The following GINM1 variants were observed in gnomAD, a reference collection of about 807,000 sequenced individuals.
GINM1 encodes the protein glycoprotein integral membrane protein 1.
GINM1 carries 29 observed loss-of-function variants against 37.8 expected under a neutral mutation model. That is an observed-to-expected ratio of 0.77 (90% confidence interval 0.57 to 1.05). GINM1 has a LOEUF of 1.05. GINM1 is among the 50% of genes least tolerant of loss of function. The pLI, the probability that GINM1 is intolerant of heterozygous loss-of-function variation, is 0.00. For synonymous variants in GINM1, 143 were observed against 146.2 expected (o/e 0.98, Z 0.16); for missense variants, 377 against 397.9 (o/e 0.95, Z 0.45).
chr6:149,570,577 A>C (rs1403433502), intron 1 of GINM1, among the ~76,000 whole-genome samples: 3 of 152,074 alleles, frequency 2.0e-5, no homozygotes, highest in African/African-American at 7.2e-5. Flanking sequence ...TGTGGTATGA[A>C]TCCTCTTTCA....
chr6:149,574,197 C>T (rs1777876633), intron 3 of GINM1, among the ~76,000 whole-genome samples: 2 of 151,870 alleles, frequency 1.3e-5, no homozygotes, highest in Middle Eastern at 3.4e-3. Context: ...ATTACAGGTG[C>T]CCGCCACCAT....
At position 149,578,764 on chromosome 6, in the gene GINM1, C is replaced by A. The variant is rs1300979648; in HGVS notation, c.278-58C>A. On this transcript the variant is annotated intron_variant, in intron 3 of 7. Coordinates refer to ENST00000367419, the MANE Select transcript of GINM1 (RefSeq NM_138785.5). ...TAAATGTCATCAAAATAATCACACT[C>A]ACTCACAGATTTGGTGGTAATCTTT... The A allele has an allele frequency of 3.5e-6, 4 of 1,153,352 alleles. No homozygotes were observed. In the East Asian group the frequency reaches 7.2e-5, roughly 21 times the overall value. 71.4% of individuals were successfully genotyped at this position (1,153,352 alleles called of 1,614,324 possible).
chr6:149,589,520 A>G (rs1308479986), intron 7 of GINM1, among the ~76,000 whole-genome samples: 3 of 148,992 alleles, frequency 2.0e-5, no homozygotes, highest in Admixed American at 6.7e-5. Context: ...TGATCCACCC[A>G]CCTCAGCCTC....
intron 3 of GINM1, 73 bp downstream of exon 3, chr6:149,572,676 T>A: frequency 1.0e-6 from 1 of 974,374 alleles, no homozygotes; most frequent in Non-Finnish European, 1.6e-6. Context: ...TTGTTGTTTG[T>A]TTTTTGAGAC....
At chr6:149,587,211 A>T (rs1460384129) in intron 7 of GINM1, among the ~76,000 whole-genome samples, 1 of 152,110 alleles carries the variant, frequency 6.6e-6, no homozygotes, top group Non-Finnish European at 1.5e-5. Flanking sequence ...CTACTCTGAC[A>T]CTCTGGAGTA....
chr6:149,570,141 T>C (rs1777790566), intron 1 of GINM1, among the ~76,000 whole-genome samples: 1 of 6,986 alleles, frequency 1.4e-4, no homozygotes, highest in Non-Finnish European at 1.6e-3. Context: ...AGGTTTTATA[T>C]ATATATATAT....
Position 149,580,708 on chromosome 6 carries a change from G to T in GINM1, c.702G>T (p.Pro234=), listed in dbSNP as rs181189144. The T allele has an allele frequency of 4.0e-4, 650 of 1,613,106 alleles. 6 individuals are homozygous for T. The Admixed American group carries it at 0.011, about 27-fold the overall frequency. The change falls in exon 6 of 8, where the codon CCG becomes CCT. Residue 234 remains proline (P), a synonymous_variant. Coordinates refer to ENST00000367419, the MANE Select transcript of GINM1 (RefSeq NM_138785.5). ...KLPETPLRAE[P]PSSYKVMCQW... is the part of the protein sequence containing the mutation. Reference sequence around the variant, plus strand: ...CTGAAACTCCTCTCAGAGCAGAGCCGCCATCTTCATATAAGGTAAATCAAG... The same window carrying T: ...CTGAAACTCCTCTCAGAGCAGAGCCTCCATCTTCATATAAGGTAAATCAAG...
chr6:149,582,640 AATG>A, intron 7 of GINM1, 37 bp downstream of exon 7: 1 of 1,383,806 alleles, frequency 7.2e-7, no homozygotes, highest in African/African-American at 1.5e-5. Flanking sequence ...TAGTATTTTT[AATG>A]ATTAAAAAGT....
In GINM1 at chr6:149,574,239, T is replaced by C. The variant is rs577280785; in HGVS notation, c.277+1636T>C. ...CTAATTTTTGTATTTTTAGTAGAGA[T>C]GGGGTTTCACCATATTGGTCAAGGC... is the stretch of plus-strand genomic sequence containing the variant. On this transcript the variant is annotated intron_variant, in intron 3 of 7. Coordinates refer to ENST00000367419, the MANE Select transcript of GINM1 (RefSeq NM_138785.5). 2.9e-4 allele frequency among the ~76,000 whole-genome samples: 44 copies of C among 151,976 alleles called. No individual in the cohort carries two copies. In the East Asian group the frequency reaches 5.6e-3, roughly 19 times the overall value.
intron 7 of GINM1, among the ~76,000 whole-genome samples, chr6:149,587,794 C>T (rs958510656): frequency 1.3e-5 from 2 of 152,154 alleles, no homozygotes; most frequent in African/African-American, 2.4e-5. Flanking sequence ...ACCTTCAGTA[C>T]CCCGTTCCCT....
At chr6:149,574,859 C>T (rs1417163653) in intron 3 of GINM1, among the ~76,000 whole-genome samples, 1 of 152,054 alleles carries the variant, frequency 6.6e-6, no homozygotes, top group African/African-American at 2.4e-5. Flanking sequence ...CAGAGTGAGA[C>T]CCTGTCTCAA....
At chr6:149,575,211 C>G (rs957325575) in intron 3 of GINM1, among the ~76,000 whole-genome samples, 1 of 152,230 alleles carries the variant, frequency 6.6e-6, no homozygotes, top group Non-Finnish European at 1.5e-5. Context: ...CTTGCCCTCA[C>G]ACACATGCAT....
At chr6:149,574,535 C>T (rs1359526506) in intron 3 of GINM1, among the ~76,000 whole-genome samples, 1 of 152,036 alleles carries the variant, frequency 6.6e-6, no homozygotes, top group Non-Finnish European at 1.5e-5. Flanking sequence ...TCATAGTTCC[C>T]TTCTGTCTTG....
chr6:149,582,685 A>C lies in GINM1; in HGVS notation c.881+82A>C, dbSNP rs984237554. ...TATTTGCTATGTTTTAGAATAGAAA[A>C]TATAAAAATTAGAAAGGGTAAGACA... is the stretch of plus-strand genomic sequence containing the variant. On this transcript the variant is annotated intron_variant, in intron 7 of 7. Transcript: ENST00000367419. 6.8e-6 allele frequency: 7 copies of C among 1,025,486 alleles called. No individual in the cohort carries two copies. In the African/African-American group the frequency reaches 1.0e-4, roughly 15 times the overall value. The allele number at this position is 1,025,486 out of a possible 1,614,324, so 63.5% of individuals were successfully genotyped here.
rs145601764 is a variant in GINM1 at position 149,578,525 on chromosome 6, CAAAAAAAAAAAA to C, written c.278-286_278-275del. On this transcript the variant is annotated intron_variant, in intron 3 of 7. Transcript: ENST00000367419. ...TGGGCGACAGAGCAAGACTCCATCT[CAAAAAAAAAAAA>C]AAAAAAAAAAGAATAGGAAAGATGT... Among the ~76,000 whole-genome samples, 167 of 71,438 alleles carry C rather than the reference CAAAAAAAAAAAA, an allele frequency of 2.3e-3. 1 individual carries two copies. The highest frequency in any genetic ancestry group is 0.012 in the Admixed American group (76 of 6,474). 46.9% of individuals were successfully genotyped at this position (71,438 alleles called of 152,430 possible). A position where few individuals can be genotyped will look rare whatever the true frequency, so the allele number is the denominator to read the frequency against.
chr6:149,582,176 T>A (rs1320960534), intron 6 of GINM1: 1 of 543,002 alleles, frequency 1.8e-6, no homozygotes, highest in African/African-American at 1.9e-5. Flanking sequence ...TATAAATAAT[T>A]TTACAGGCTA....
At position 149,579,983 on chromosome 6, in the gene GINM1, C is replaced by CA. The variant is rs34594150; in HGVS notation, c.585dup (p.Glu196ArgfsTer4). The CA allele has an allele frequency of 1.9e-6, 3 of 1,572,274 alleles. No homozygotes were observed. Among genetic ancestry groups the CA allele is most frequent in the South Asian group, 1.2e-5 (1 of 84,814 alleles). On this transcript the variant is annotated frameshift_variant, in exon 5 of 8. Transcript: ENST00000367419. LOFTEE classifies it high-confidence loss of function. ...TTTTATTTACCCTTCCTAACCTCTC[C>CA]AAAAAAGGTAACTTAAAAGACCATT...
At chr6:149,574,200 G>GCA (rs1777876884) in intron 3 of GINM1, among the ~76,000 whole-genome samples, 1 of 151,740 alleles carries the variant, frequency 6.6e-6, no homozygotes, top group African/African-American at 2.4e-5. Flanking sequence ...ACAGGTGCCC[G>GCA]CCACCATGCC....
At chr6:149,575,057 A>C (rs750170837) in intron 3 of GINM1, among the ~76,000 whole-genome samples, 1 of 152,086 alleles carries the variant, frequency 6.6e-6, no homozygotes, top group African/African-American at 2.4e-5. Flanking sequence ...TCCAATATTC[A>C]TGTGTGTTTA....
Sources: gnomAD v4.1 joint callset for allele counts (sites outside exome capture counted in the v4.1 genomes callset) on GRCh38, gnomAD v4.1.1 for gene constraint, MANE v1.5 for transcripts, NCBI Gene and HGNC (gene_info 2026-07-23, HGNC 2026-07-21) for gene names.